Variants in EEF2 observed in about 807,000 individuals in gnomAD.
EEF2 encodes eukaryotic translation elongation factor 2.
Under a neutral mutation model 85.3 loss-of-function variants are expected in EEF2, and 21 were observed. That is an observed-to-expected ratio of 0.25 (90% confidence interval 0.17 to 0.35). EEF2 has a LOEUF of 0.35. Among genes scored for constraint, EEF2 ranks in the 10% least tolerant of loss-of-function variants. The pLI, the probability that EEF2 is intolerant of heterozygous loss-of-function variation, is 1.00. For missense variants in EEF2, 825 were observed against 1,225.3 expected (o/e 0.67, Z 4.88); for synonymous variants, 723 against 508.8 (o/e 1.42, Z -5.67).
chr19:3,978,881 GGAGGCC>G (rs1310279965), intron 11 of EEF2, among the ~76,000 whole-genome samples: 1 of 148,814 alleles, frequency 6.7e-6, no homozygotes, highest in African/African-American at 2.5e-5. Flanking sequence ...CAGCACTTTG[GGAGGCC>G]GAGGCAGGGG....
rs145540039 is a variant in EEF2, at chr19:3,978,116, G to A, written c.1770C>T (p.Leu590=). The A allele has an allele frequency of 2.4e-4, 364 of 1,507,842 alleles. No homozygotes were observed. The highest frequency in any genetic ancestry group is 3.5e-4 in the Middle Eastern group (2 of 5,762). 93.4% of individuals were successfully genotyped at this position (1,507,842 alleles called of 1,614,324 possible). The part of the protein sequence containing the change: ...RETVSEESNV[L]CLSKSPNKHN... ...GCTTGTTGGGGGACTTGGAGAGGCA[G>A]AGCACGTTCGACTCTTCACTGACCG... is the stretch of plus-strand genomic sequence containing the variant. The change falls in exon 12 of 15, where the codon CTC becomes CTT. Residue 590 remains leucine (L), a synonymous_variant. Coordinates refer to ENST00000309311, the MANE Select transcript of EEF2 (RefSeq NM_001961.4).
intron 1 of EEF2, chr19:3,985,021 C>G (rs919006687): frequency 6.4e-6 from 2 of 311,828 alleles, no homozygotes; most frequent in African/African-American, 4.3e-5. Context: ...GAAAATCGAT[C>G]TCAAACTCGC....
At chr19:3,979,268 T>C in intron 11 of EEF2, 61 bp downstream of exon 11, 1 of 1,386,932 alleles carries the variant, frequency 7.2e-7, no homozygotes, top group East Asian at 2.3e-5. Context: ...CAGCTCAGCT[T>C]TAAAGCAGAG....
At chr19:3,981,904 C>G (rs1297348943) in intron 6 of EEF2, 43 bp downstream of exon 6, 5 of 1,585,110 alleles carry the variant, frequency 3.2e-6, no homozygotes. Context: ...GGCCGAGGGC[C>G]AATAGTCGCA....
In EEF2 at chr19:3,982,226, C is replaced by A. The variant is rs2039759348; in HGVS notation, c.791+20G>T. On this transcript the variant is annotated intron_variant, in intron 5 of 14. Coordinates refer to ENST00000309311, the MANE Select transcript of EEF2 (RefSeq NM_001961.4). ...ACCCCCAGGTGTCAGGAATCCCCCACCATATCCCGCGGGGCTCACCTGTCA... is the reference window on the plus strand; with the variant it reads ...ACCCCCAGGTGTCAGGAATCCCCCAACATATCCCGCGGGGCTCACCTGTCA... The A allele has an allele frequency of 1.2e-6, 2 of 1,612,872 alleles. No homozygotes were observed. The highest frequency in any genetic ancestry group is 1.7e-6 in the Non-Finnish European group (2 of 1,179,152).
chr19:3,980,129 G>A lies in EEF2; in HGVS notation c.1347-63C>T, dbSNP rs549674182. On this transcript the variant is annotated intron_variant, in intron 9 of 14. Coordinates refer to ENST00000309311, the MANE Select transcript of EEF2 (RefSeq NM_001961.4). The stretch of plus-strand genomic sequence containing the variant: ...GGTTGTGCTGGACCCTGGAGGGCCA[G>A]GGCAGGTCCCTCCCGGAGTTGGTGG... 30 of 1,562,478 alleles carry A rather than the reference G, an allele frequency of 1.9e-5. No individual in the cohort carries two copies. In the East Asian group the frequency reaches 6.3e-4, roughly 33 times the overall value.
In EEF2 at chr19:3,977,623, G is replaced by T. The variant is rs1170572148; in HGVS notation, c.2068-13C>A. 1 of 1,503,794 alleles carries T rather than the reference G, an allele frequency of 6.6e-7. No individual in the cohort carries two copies. Among genetic ancestry groups the T allele is most frequent in the South Asian group, 1.3e-5 (1 of 76,434 alleles). The allele number at this position is 1,503,794 out of a possible 1,614,324, so 93.2% of individuals were successfully genotyped here. A position where few individuals can be genotyped will look rare whatever the true frequency, so the allele number is the denominator to read the frequency against. On this transcript the variant is annotated splice_polypyrimidine_tract_variant and intron_variant, in intron 12 of 14. Transcript: ENST00000309311. This position sits in a 1 kb window ranked among gnomAD's most constrained non-coding sequence, Gnocchi z 5.4. Reference sequence around the variant, plus strand: ...CACACAGTGCGCCCTGGGGGAGGGGGAGAGCCACCGTCAAGGGCCGGACAC... The same window carrying T: ...CACACAGTGCGCCCTGGGGGAGGGGTAGAGCCACCGTCAAGGGCCGGACAC...
At position 3,981,390 on chromosome 19, in the gene EEF2, G is replaced by A. The variant is rs949353398; in HGVS notation, c.960C>T (p.Asp320=). 11 of 1,614,224 alleles carry A rather than the reference G, an allele frequency of 6.8e-6. No homozygotes were observed. Among genetic ancestry groups the A allele is most frequent in the Non-Finnish European group, 9.3e-6 (11 of 1,180,050 alleles). Residue 320 remains aspartate, a synonymous_variant, in exon 7 of 15, where the codon GAC becomes GAT. Coordinates refer to ENST00000309311, the MANE Select transcript of EEF2 (RefSeq NM_001961.4). ...CCTTGTCCTCGCTGTCCAGTTTGAT[G>A]TCCAGTTTCTCTATCAGTTTTGCTG... ...EETAKLIEKL[D]IKLDSEDKDK...
rs748255844 is a variant in EEF2 at position 3,982,873 on chromosome 19, C to T, written c.546G>A (p.Val182=). Reference sequence around the variant, plus strand: ...TGGAGATGATGACGTTCACGTTCTCCACGATGCGCTGGAAAGTCTGGTAGA... The same window carrying T: ...TGGAGATGATGACGTTCACGTTCTCTACGATGCGCTGGAAAGTCTGGTAGA... ...EELYQTFQRI[V]ENVNVIISTY... is the part of the protein sequence containing the mutation. The change falls in exon 4 of 15, where the codon GTG becomes GTA. Residue 182 remains valine (V), a synonymous_variant. Coordinates refer to ENST00000309311, the MANE Select transcript of EEF2 (RefSeq NM_001961.4). 1.2e-6 allele frequency: 2 copies of T among 1,613,720 alleles called. No individual in the cohort carries two copies. The highest frequency in any genetic ancestry group is 1.7e-6 in the Non-Finnish European group (2 of 1,180,000).
At chr19:3,981,915 T>C (rs2039753706) in intron 6 of EEF2, 32 bp downstream of exon 6, 2 of 1,601,048 alleles carry the variant, frequency 1.2e-6, no homozygotes, top group Non-Finnish European at 1.7e-6. Context: ...AATAGTCGCA[T>C]CGGCGGGGTG....
At position 3,983,031 on chromosome 19, in the gene EEF2, G is replaced by T; in HGVS notation, c.401-13C>A. ...TGCACGCACACGCCTGGGGACACGG[G>T]GGACAGGGCGGCGCTGTCATCCTCA... On this transcript the variant is annotated splice_polypyrimidine_tract_variant and intron_variant, in intron 3 of 14. Transcript: ENST00000309311. 1.2e-6 allele frequency: 2 copies of T among 1,612,708 alleles called. No homozygotes were observed. Among genetic ancestry groups the T allele is most frequent in the East Asian group, 2.2e-5 (1 of 44,848 alleles).
chr19:3,978,122 GTTCGACTC>G lies in EEF2; in HGVS notation c.1756_1763del (p.Glu586ArgfsTer31). The stretch of plus-strand genomic sequence containing the variant: ...TGGGGGACTTGGAGAGGCAGAGCAC[GTTCGACTC>G]TTCACTGACCGTCTCGCGGTACGAG... On this transcript the variant is annotated frameshift_variant, in exon 12 of 15. Coordinates refer to ENST00000309311, the MANE Select transcript of EEF2 (RefSeq NM_001961.4). LOFTEE classifies it high-confidence loss of function. 6.7e-7 allele frequency: 1 copy of G among 1,500,312 alleles called. No homozygotes were observed. Among genetic ancestry groups the G allele is most frequent in the Non-Finnish European group, 9.0e-7 (1 of 1,116,428 alleles). The allele number at this position is 1,500,312 out of a possible 1,614,324, so 92.9% of individuals were successfully genotyped here. A position where few individuals can be genotyped will look rare whatever the true frequency, so the allele number is the denominator to read the frequency against.
intron 11 of EEF2, among the ~76,000 whole-genome samples, chr19:3,979,036 G>A (rs899102096): frequency 6.6e-6 from 1 of 151,912 alleles, no homozygotes; most frequent in East Asian, 1.9e-4. Context: ...GCTGAGTGAG[G>A]CAAGAGAATC....
chr19:3,982,713 A>G, intron 4 of EEF2, 94 bp downstream of exon 4: 2 of 1,391,078 alleles, frequency 1.4e-6, no homozygotes, highest in Non-Finnish European at 2.0e-6. Context: ...TGGCAAAAAC[A>G]CACTTCCAGT....
chr19:3,978,126 G>T lies in EEF2; in HGVS notation c.1760C>A (p.Ser587Ter). The change falls in exon 12 of 15, where the codon TCG (serine) becomes TAG (stop). Residue 587 changes from serine to a stop codon, truncating the protein, a stop_gained. Coordinates refer to ENST00000309311, the MANE Select transcript of EEF2 (RefSeq NM_001961.4). LOFTEE classifies it high-confidence loss of function. Reference sequence around the variant, plus strand: ...GGACTTGGAGAGGCAGAGCACGTTCGACTCTTCACTGACCGTCTCGCGGTA... The same window carrying T: ...GGACTTGGAGAGGCAGAGCACGTTCTACTCTTCACTGACCGTCTCGCGGTA... ...VSYRETVSEE[S>*]NVLCLSKSPN... 1 of 1,492,442 alleles carries T rather than the reference G, an allele frequency of 6.7e-7. No individual in the cohort carries two copies. Among genetic ancestry groups the T allele is most frequent in the Non-Finnish European group, 9.0e-7 (1 of 1,113,098 alleles). The allele number at this position is 1,492,442 out of a possible 1,614,324, so 92.4% of individuals were successfully genotyped here. A position where few individuals can be genotyped will look rare whatever the true frequency, so the allele number is the denominator to read the frequency against.
At chr19:3,980,333 C>A (rs746298293) in intron 9 of EEF2, among the ~76,000 whole-genome samples, 181 bp downstream of exon 9, 2 of 152,236 alleles carry the variant, frequency 1.3e-5, no homozygotes, top group Non-Finnish European at 2.9e-5. Flanking sequence ...TGCCCTGGGG[C>A]TTGGAGCTTC....
chr19:3,981,760 G>A (rs1181119999), intron 6 of EEF2, among the ~76,000 whole-genome samples, 187 bp downstream of exon 6: 1 of 152,256 alleles, frequency 6.6e-6, no homozygotes, highest in Admixed American at 6.5e-5. Flanking sequence ...CCAAGGCTCT[G>A]GCTATGCAGT....
At position 3,984,496 on chromosome 19, in the gene EEF2, C is replaced by G. The variant is rs536818779; in HGVS notation, c.4-146G>C. The G allele has an allele frequency of 2.7e-5, 21 of 792,002 alleles. No homozygotes were observed. The South Asian group carries it at 3.0e-4, about 11-fold the overall frequency. 49.1% of individuals were successfully genotyped at this position (792,002 alleles called of 1,614,324 possible). A position where few individuals can be genotyped will look rare whatever the true frequency, so the allele number is the denominator to read the frequency against. ...CCCAAGCCCACCGAATCTTGCCAGC[C>G]TAACACCCCTTAAGAGCCACCCCGC... On this transcript the variant is annotated intron_variant, in intron 1 of 14. Coordinates refer to ENST00000309311, the MANE Select transcript of EEF2 (RefSeq NM_001961.4).
rs1400213852 is a variant in EEF2, at chr19:3,980,649, G to A, written c.1211C>T (p.Thr404Ile). Residue 404 changes from threonine (T) to isoleucine (I), a missense_variant, in exon 9 of 15, where the codon ACC (threonine) becomes ATC (isoleucine). Coordinates refer to ENST00000309311, the MANE Select transcript of EEF2 (RefSeq NM_001961.4). ...GGCGTAGAACCGACCTTTGTCGGAG[G>A]TTGGCACCATTTTGGAAATATACAT... ...LMMYISKMVP[T>I]SDKGRFYAFG... 3.1e-6 allele frequency: 5 copies of A among 1,614,236 alleles called. No individual in the cohort carries two copies. The highest frequency in any genetic ancestry group is 2.2e-5 in the East Asian group (1 of 44,886).
Sources: allele counts gnomAD v4.1 joint callset (sites outside exome capture counted in the v4.1 genomes callset), GRCh38; gene constraint gnomAD v4.1.1; non-coding constraint Gnocchi (gnomAD v3.1); transcripts MANE v1.5; gene names NCBI Gene and HGNC (gene_info 2026-07-23, HGNC 2026-07-21).